Variants in UBE2O observed in about 807,000 individuals in gnomAD.
The protein encoded by UBE2O is (E3-independent) E2 ubiquitin-conjugating enzyme.
In UBE2O, 15 loss-of-function variants were observed where a neutral mutation model predicts 125.8. The observed-to-expected ratio is 0.12, with a 90% CI of 0.08 to 0.18. UBE2O has a LOEUF of 0.18. UBE2O is among the 10% of genes least tolerant of loss of function. The pLI, the probability that UBE2O is intolerant of heterozygous loss-of-function variation, is 1.00. For missense variants in UBE2O, 1,280 were observed against 1,723.6 expected, an observed-to-expected ratio of 0.74 and a Z score of 4.56; for synonymous variants, 708 against 703.2, an observed-to-expected ratio of 1.01 and a Z score of -0.11.
chr17:76,422,301 C>T (rs559335939), intron 1 of UBE2O, among the ~76,000 whole-genome samples: 27 of 152,286 alleles, frequency 1.8e-4, no homozygotes, highest in African/African-American at 5.8e-4. Flanking sequence ...GGGCAAAGGG[C>T]GGCTCACTTT....
chr17:76,406,970 T>A (rs977953363), intron 1 of UBE2O, among the ~76,000 whole-genome samples: 3 of 152,168 alleles, frequency 2.0e-5, no homozygotes, highest in African/African-American at 7.2e-5. Flanking sequence ...AGTGCTGGGA[T>A]TACAGGCGTG....
In UBE2O at chr17:76,404,718, GCATCA is replaced by G. The variant is rs1598591243; in HGVS notation, c.588+483_588+487del. ...TGTGTATTCCGGGGTGGGTGACAGGGCATCACATCTATAGCTTGCTGTCAAATGTT... is the reference window on the plus strand; with the variant it reads ...TGTGTATTCCGGGGTGGGTGACAGGGCATCTATAGCTTGCTGTCAAATGTT... On this transcript the variant is annotated intron_variant, in intron 3 of 17. Coordinates refer to ENST00000319380, the MANE Select transcript of UBE2O (RefSeq NM_022066.4). The surrounding 1 kb of genome is among the most constrained non-coding windows in gnomAD (Gnocchi z 4.3). Among the ~76,000 whole-genome samples the G allele has an allele frequency of 6.6e-6, 1 of 152,012 alleles. No homozygotes were observed. Among genetic ancestry groups the G allele is most frequent in the East Asian group, 1.9e-4 (1 of 5,176 alleles).
intron 1 of UBE2O, among the ~76,000 whole-genome samples, chr17:76,443,809 G>A (rs1256311950): frequency 6.6e-6 from 1 of 152,198 alleles, no homozygotes; most frequent in Non-Finnish European, 1.5e-5. Flanking sequence ...ATAAAGAAAA[G>A]AGAGGTCTTT....
intron 1 of UBE2O, among the ~76,000 whole-genome samples, chr17:76,434,796 A>ATTT (rs2072961857): frequency 6.7e-6 from 1 of 148,368 alleles, no homozygotes; most frequent in African/African-American, 2.5e-5. Context: ...TTTTTTTTTA[A>ATTT]AAAAACAAAC....
chr17:76,425,903 A>G (rs2072802892), intron 1 of UBE2O, among the ~76,000 whole-genome samples: 1 of 152,158 alleles, frequency 6.6e-6, no homozygotes, highest in Non-Finnish European at 1.5e-5. Context: ...CACCTGTGTC[A>G]GATCCCGTTT....
In UBE2O at chr17:76,433,528, G is replaced by A. The variant is rs554933555; in HGVS notation, c.417+19197C>T. On this transcript the variant is annotated intron_variant, in intron 1 of 17. Transcript: ENST00000319380. Reference sequence around the variant, plus strand: ...AGATAGCGGTGATGACCGTACAACCGTTTGAGTATACTAAAAACCACTTGA... The same window carrying A: ...AGATAGCGGTGATGACCGTACAACCATTTGAGTATACTAAAAACCACTTGA... Among the ~76,000 whole-genome samples the A allele has an allele frequency of 4.6e-5, 7 of 151,392 alleles. No individual in the cohort carries two copies. In the South Asian group the frequency reaches 6.3e-4, roughly 14 times the overall value.
rs1393141808 is a variant in UBE2O, at chr17:76,398,465, C to T, written c.1896+7G>A. On this transcript the variant is annotated splice_region_variant and intron_variant, in intron 11 of 17. Coordinates refer to ENST00000319380, the MANE Select transcript of UBE2O (RefSeq NM_022066.4). The surrounding 1 kb of genome is among the most constrained non-coding windows in gnomAD (Gnocchi z 5.4). ...CACCTGAAGCAAGCAGTAGGGGCTG[C>T]ACACACCTCCACGTCGTCCCCACTC... is the stretch of plus-strand genomic sequence containing the variant. 6.2e-7 allele frequency: 1 copy of T among 1,614,124 alleles called. No individual in the cohort carries two copies. Among genetic ancestry groups the T allele is most frequent in the Admixed American group, 1.7e-5 (1 of 60,020 alleles).
chr17:76,400,212 C>T lies in UBE2O; in HGVS notation c.1090G>A (p.Ala364Thr). The change falls in exon 8 of 18, where the codon GCC becomes ACC. Residue 364 changes from alanine (A) to threonine (T), a missense_variant. Ala to Thr is a moderately conservative substitution (Grantham distance 58). This residue lies in a region of UBE2O where 206 missense variants were observed against 315.7 expected (regional missense o/e 0.65). Coordinates refer to ENST00000319380, the MANE Select transcript of UBE2O (RefSeq NM_022066.4). The surrounding 1 kb of genome is among the most constrained non-coding windows in gnomAD (Gnocchi z 4.3). ...LYVFPAKVEP[A>T]KIAWECPEKN... ...TCTGGACATTCCCAGGCAATCTTGG[C>T]TGGCTCTACCTTGGCTGGGAAGACA... The T allele has an allele frequency of 1.2e-6, 2 of 1,614,112 alleles. No individual in the cohort carries two copies. The highest frequency in any genetic ancestry group is 2.2e-5 in the East Asian group (1 of 44,874).
At chr17:76,408,396 G>A (rs1240081646) in intron 1 of UBE2O, among the ~76,000 whole-genome samples, 1 of 152,100 alleles carries the variant, frequency 6.6e-6, no homozygotes, top group African/African-American at 2.4e-5. Context: ...TTGCAGATAC[G>A]CAAACTGAGA....
intron 1 of UBE2O, among the ~76,000 whole-genome samples, chr17:76,423,160 A>T (rs1170528858): frequency 6.6e-6 from 1 of 152,132 alleles, no homozygotes; most frequent in Non-Finnish European, 1.5e-5. Context: ...CAGGAAAAGG[A>T]GGAAGAGGTA....
intron 1 of UBE2O, among the ~76,000 whole-genome samples, chr17:76,428,953 G>A (rs983828609): frequency 8.7e-5 from 13 of 149,952 alleles, no homozygotes; most frequent in African/African-American, 3.2e-4. Context: ...CCAGGCTGGA[G>A]TGCAGTGGCA....
rs750201170 is a variant in UBE2O at position 76,391,582 on chromosome 17, G to A, written c.3240C>T (p.Asn1080=). The A allele has an allele frequency of 1.2e-5, 20 of 1,613,946 alleles. No individual in the cohort carries two copies. The highest frequency in any genetic ancestry group is 2.2e-5 in the East Asian group (1 of 44,876). ...CTCGGTCACTGTCGAAGCCGGCTTC[G>A]TTGTAGTATGGTTCATTTACCAGGA... ...GLILVNEPYY[N]EAGFDSDRGL... Residue 1080 remains asparagine, a synonymous_variant, in exon 18 of 18, where the codon AAC becomes AAT. Transcript: ENST00000319380. This position sits in a 1 kb window ranked among gnomAD's most constrained non-coding sequence, Gnocchi z 8.4.
intron 1 of UBE2O, among the ~76,000 whole-genome samples, chr17:76,425,052 T>C (rs538990561): frequency 6.6e-6 from 1 of 151,280 alleles, no homozygotes; most frequent in East Asian, 1.9e-4. Context: ...TTTGTATTTT[T>C]AGTAGAGACG....
Position 76,402,212 on chromosome 17 carries a change from A to G in UBE2O, c.687-85T>C. ...GCGATTCTGAGATGCCAATGCGCCC[A>G]CATGCCCTAAATAGCACAATTCGTC... On this transcript the variant is annotated intron_variant, in intron 4 of 17. Coordinates refer to ENST00000319380, the MANE Select transcript of UBE2O (RefSeq NM_022066.4). This position sits in a 1 kb window ranked among gnomAD's most constrained non-coding sequence, Gnocchi z 5.4. 1.6e-6 allele frequency: 2 copies of G among 1,227,230 alleles called. No individual in the cohort carries two copies. Among genetic ancestry groups the G allele is most frequent in the Non-Finnish European group, 1.2e-6 (1 of 847,720 alleles). The allele number at this position is 1,227,230 out of a possible 1,614,324, so 76.0% of individuals were successfully genotyped here. A position where few individuals can be genotyped will look rare whatever the true frequency, so the allele number is the denominator to read the frequency against.
intron 1 of UBE2O, among the ~76,000 whole-genome samples, chr17:76,407,051 G>T (rs980331060): frequency 1.4e-4 from 22 of 152,144 alleles, no homozygotes; most frequent in Non-Finnish European, 2.9e-5. Flanking sequence ...GGGTTCTTGA[G>T]TCAGACACAG....
chr17:76,431,713 G>T (rs1344495766), intron 1 of UBE2O, among the ~76,000 whole-genome samples: 2 of 152,138 alleles, frequency 1.3e-5, no homozygotes, highest in African/African-American at 4.8e-5. Flanking sequence ...AAGCCCAGCG[G>T]GGGGGACTGC....
rs1187138560 is a variant in UBE2O at position 76,445,219 on chromosome 17, C to CT, written c.417+7505dup. ...GTCATTGTTGGGTAGGACTGACTGC[C>CT]TTTTTTTTTTTCTTTTTCCAAGCAT... On this transcript the variant is annotated intron_variant, in intron 1 of 17. Transcript: ENST00000319380. Among the ~76,000 whole-genome samples the CT allele has an allele frequency of 3.9e-3, 567 of 144,606 alleles. 4 individuals carry two copies. Among genetic ancestry groups the CT allele is most frequent in the African/African-American group, 0.013 (506 of 39,624 alleles). 94.9% of individuals were successfully genotyped at this position (144,606 alleles called of 152,430 possible). A position where few individuals can be genotyped will look rare whatever the true frequency, so the allele number is the denominator to read the frequency against.
intron 1 of UBE2O, among the ~76,000 whole-genome samples, chr17:76,445,709 T>C (rs571100829): frequency 3.9e-4 from 59 of 152,140 alleles, no homozygotes; most frequent in Non-Finnish European, 6.3e-4. Flanking sequence ...TAACTTGGAG[T>C]AGATAAATCC....
At chr17:76,422,472 T>C (rs952487359) in intron 1 of UBE2O, among the ~76,000 whole-genome samples, 1 of 152,192 alleles carries the variant, frequency 6.6e-6, no homozygotes, top group Admixed American at 6.5e-5. Flanking sequence ...CCTCGCCCAT[T>C]CAGCAAACTG....
Sources: allele counts gnomAD v4.1 joint callset (sites outside exome capture counted in the v4.1 genomes callset), GRCh38; gene constraint gnomAD v4.1.1; regional missense constraint gnomAD v4.1.1; non-coding constraint Gnocchi (gnomAD v3.1); transcripts MANE v1.5; gene names NCBI Gene and HGNC (gene_info 2026-07-23, HGNC 2026-07-21).